Variants in UNC13C observed in about 807,000 individuals in gnomAD.
The protein encoded by UNC13C is unc-13 homolog C, also known as protein unc-13 homolog C.
UNC13C carries 174 observed loss-of-function variants against 245.4 expected under a neutral mutation model. The ratio of observed to expected loss-of-function variants is 0.71; its 90% confidence interval spans 0.63 to 0.80. UNC13C has a LOEUF of 0.80. UNC13C is among the 30% of genes least tolerant of loss of function. The pLI is 0.00. For missense variants in UNC13C, 2,829 were observed against 2,602.9 expected (o/e 1.09, Z -1.89); for synonymous variants, 992 against 895.1 (o/e 1.11, Z -1.93).
chr15:53,944,099 G>A, the UNC13C span, among the ~76,000 whole-genome samples: 1 of 151,792 alleles, frequency 6.6e-6, no homozygotes, highest in Non-Finnish European at 1.5e-5. Flanking sequence ...GTTTATTTGG[G>A]TAATTAACAC....
chr15:54,265,246 T>G, intron 9 of UNC13C, 109 bp from the exon 10 acceptor site: 1 of 767,644 alleles, frequency 1.3e-6, no homozygotes, highest in Non-Finnish European at 1.9e-6. Flanking sequence ...GCAATGGGGA[T>G]GCATCTATAA....
chr15:54,468,144 A>T (rs1352087574), intron 19 of UNC13C, among the ~76,000 whole-genome samples: 2 of 151,530 alleles, frequency 1.3e-5, no homozygotes, highest in African/African-American at 4.8e-5. Context: ...TATCTTTTTG[A>T]TTATAGCCAA....
chr15:53,848,044 T>C, the UNC13C span, among the ~76,000 whole-genome samples: 691 of 152,272 alleles, frequency 4.5e-3, 4 homozygotes, highest in Non-Finnish European at 6.8e-3. Flanking sequence ...GTCTGTAGGA[T>C]GTCTAGTGAT....
intron 2 of UNC13C, among the ~76,000 whole-genome samples, chr15:54,123,594 A>G: frequency 6.6e-6 from 1 of 152,086 alleles, no homozygotes; most frequent in East Asian, 1.9e-4. Flanking sequence ...GAAAAAAATT[A>G]TGGATTCATA....
At chr15:53,938,873 G>C in the UNC13C span, among the ~76,000 whole-genome samples, 5,786 of 152,188 alleles carry the variant, frequency 0.038, 182 homozygotes, top group Admixed American at 0.079. Flanking sequence ...GAAATTTATA[G>C]CACTAAATGC....
intron 2 of UNC13C, among the ~76,000 whole-genome samples, chr15:54,080,892 C>T (rs1898904723): frequency 1.3e-5 from 2 of 151,844 alleles, no homozygotes; most frequent in African/African-American, 4.8e-5. Flanking sequence ...CCTTTAGGTG[C>T]AGCATTAGGT....
intron 7 of UNC13C, among the ~76,000 whole-genome samples, chr15:54,249,893 T>C (rs1028637023): frequency 6.6e-6 from 1 of 151,784 alleles, no homozygotes; most frequent in Admixed American, 6.6e-5. Context: ...AAAAGAGGCG[T>C]TGGGTTTACA....
chr15:54,058,434 G>A (rs1246665433), intron 2 of UNC13C, among the ~76,000 whole-genome samples: 4 of 152,110 alleles, frequency 2.6e-5, no homozygotes, highest in African/African-American at 4.8e-5. Flanking sequence ...TTTCTGAATA[G>A]ACCAAAAACA....
Position 54,628,123 on chromosome 15 carries a change from T to C in UNC13C, c.*1010T>C, listed in dbSNP as rs975385102. ...GAAGAAATTGCTTAAAATTTTGTAATTTGTATTTATAAGCCCCAAATGCAT... is the reference window on the plus strand; with the variant it reads ...GAAGAAATTGCTTAAAATTTTGTAACTTGTATTTATAAGCCCCAAATGCAT... On this transcript the variant is annotated 3_prime_UTR_variant, in exon 33 of 33. Transcript: ENST00000260323. 5 of 151,942 alleles carry C rather than the reference T, an allele frequency of 3.3e-5. No individual in the cohort carries two copies. Among genetic ancestry groups the C allele is most frequent in the Admixed American group, 6.6e-5 (1 of 15,238 alleles). 9.4% of individuals were successfully genotyped at this position (151,942 alleles called of 1,614,324 possible).
At chr15:53,842,956 A>G in the UNC13C span, among the ~76,000 whole-genome samples, 3 of 150,180 alleles carry the variant, frequency 2.0e-5, no homozygotes, top group African/African-American at 7.3e-5. Flanking sequence ...AGTTCTTTGC[A>G]ATTTAAAAAT....
At chr15:54,074,990 G>T (rs1312472182) in intron 2 of UNC13C, among the ~76,000 whole-genome samples, 3 of 152,116 alleles carry the variant, frequency 2.0e-5, no homozygotes, top group Non-Finnish European at 4.4e-5. Context: ...TTCTTAACTG[G>T]TGATGTAGGT....
intron 19 of UNC13C, among the ~76,000 whole-genome samples, chr15:54,415,443 C>T (rs943191956): frequency 2.6e-5 from 4 of 152,042 alleles, no homozygotes; most frequent in African/African-American, 9.7e-5. Flanking sequence ...CACCAGGAGG[C>T]GGGTCAAAAT....
chr15:54,397,091 T>C (rs1031041764), intron 18 of UNC13C, among the ~76,000 whole-genome samples: 1 of 151,454 alleles, frequency 6.6e-6, no homozygotes, highest in South Asian at 2.1e-4. Context: ...TTAAAAAAAT[T>C]CTATTTTAGA....
At chr15:54,230,101 C>CA in intron 4 of UNC13C, among the ~76,000 whole-genome samples, 3 of 53,040 alleles carry the variant, frequency 5.7e-5, no homozygotes, top group African/African-American at 2.2e-4. Context: ...CATATTTTTT[C>CA]ACTGTTGGTA....
intron 8 of UNC13C, among the ~76,000 whole-genome samples, chr15:54,258,852 C>T (rs2036349016): frequency 6.6e-6 from 1 of 152,176 alleles, no homozygotes; most frequent in Non-Finnish European, 1.5e-5. Context: ...GAGAGATAAA[C>T]TAACAAGCTC....
At chr15:54,387,866 A>G (rs2039871098) in intron 17 of UNC13C, among the ~76,000 whole-genome samples, 1 of 152,156 alleles carries the variant, frequency 6.6e-6, no homozygotes, top group Admixed American at 6.5e-5. Context: ...CTGATTATTC[A>G]AATTCTTGGC....
At chr15:54,397,967 G>A (rs1241088613) in intron 18 of UNC13C, among the ~76,000 whole-genome samples, 1 of 150,974 alleles carries the variant, frequency 6.6e-6, no homozygotes, top group East Asian at 1.9e-4. Context: ...TTATTGCTCT[G>A]GTTAAAATCT....
intron 2 of UNC13C, among the ~76,000 whole-genome samples, chr15:54,031,195 A>T (rs560585900): frequency 1.4e-4 from 22 of 152,204 alleles, no homozygotes; most frequent in African/African-American, 5.1e-4. Flanking sequence ...TCTATTATCA[A>T]ATGGAAGCAC....
intron 4 of UNC13C, among the ~76,000 whole-genome samples, chr15:54,210,838 T>C (rs1014697860): frequency 3.9e-5 from 6 of 152,118 alleles, no homozygotes; most frequent in African/African-American, 1.4e-4. Flanking sequence ...TCCCACAGGA[T>C]GACTTGGAGG....
Sources: allele counts gnomAD v4.1 joint callset (sites outside exome capture counted in the v4.1 genomes callset), GRCh38; gene constraint gnomAD v4.1.1; transcripts MANE v1.5; gene names NCBI Gene and HGNC (gene_info 2026-07-23, HGNC 2026-07-21).